CAMK1D: variants seen among roughly 807,000 people sequenced by gnomAD.
CAMK1D encodes calcium/calmodulin-dependent protein kinase type 1D.
A neutral mutation model predicts 47.7 loss-of-function variants in CAMK1D; 9 were observed. That is an observed-to-expected ratio of 0.19 (90% CI 0.11 to 0.33). The LOEUF is 0.33. Among genes scored for constraint, CAMK1D ranks in the 10% least tolerant of loss-of-function variants. The probability of loss-of-function intolerance (pLI) is 1.00; values close to 1 mark genes in which losing one functional copy is unlikely to be tolerated. For missense variants in CAMK1D, 291 were observed against 488.7 expected, an observed-to-expected ratio of 0.60 and a Z score of 3.81; for synonymous variants, 184 against 184.9, an observed-to-expected ratio of 0.99 and a Z score of 0.04.
intron 10 of CAMK1D, 55 bp downstream of exon 10, chr10:12,825,745 G>T (rs934560858): frequency 6.2e-7 from 1 of 1,612,164 alleles, no homozygotes; most frequent in Non-Finnish European, 8.5e-7. Context: ...CGAGCCTGGG[G>T]TGGAGAGGAG....
intron 6 of CAMK1D, among the ~76,000 whole-genome samples, chr10:12,791,761 T>C (rs1476233149): frequency 6.6e-6 from 1 of 152,234 alleles, no homozygotes; most frequent in Non-Finnish European, 1.5e-5. Context: ...ACCTTTTGAG[T>C]AATGCTGCTG....
chr10:12,712,140 A>G (rs1013945294), intron 3 of CAMK1D, among the ~76,000 whole-genome samples: 5 of 152,204 alleles, frequency 3.3e-5, no homozygotes, highest in Non-Finnish European at 7.3e-5. Context: ...GATGTGGAAG[A>G]TGCTTTTAAG....
At chr10:12,477,078 G>A (rs1833924127) in intron 1 of CAMK1D, among the ~76,000 whole-genome samples, 2 of 152,152 alleles carry the variant, frequency 1.3e-5, no homozygotes, top group African/African-American at 4.8e-5. Flanking sequence ...CATCGCCAAT[G>A]CCCGGGGCAT....
chr10:12,515,658 G>A (rs1344538398), intron 1 of CAMK1D, among the ~76,000 whole-genome samples: 1 of 144,330 alleles, frequency 6.9e-6, no homozygotes, highest in Non-Finnish European at 1.5e-5. Flanking sequence ...TTCTCAGGCC[G>A]GAGTGCAGTG....
At chr10:12,590,601 T>C (rs527646964) in intron 2 of CAMK1D, among the ~76,000 whole-genome samples, 1 of 152,216 alleles carries the variant, frequency 6.6e-6, no homozygotes, top group African/African-American at 2.4e-5. Flanking sequence ...TCCATAATTA[T>C]TGTTGAATGA....
chr10:12,776,906 C>T (rs915750604), intron 5 of CAMK1D, among the ~76,000 whole-genome samples: 1 of 152,198 alleles, frequency 6.6e-6, no homozygotes, highest in African/African-American at 2.4e-5. Context: ...AGCACCACCT[C>T]ATTCCGCCTG....
At chr10:12,387,394 A>ATC (rs1838543258) in intron 1 of CAMK1D, among the ~76,000 whole-genome samples, 1 of 45,136 alleles carries the variant, frequency 2.2e-5, no homozygotes, top group Non-Finnish European at 5.4e-5. Flanking sequence ...TATATATTAT[A>ATC]TATTTTTATA....
At chr10:12,478,288 G>A (rs1833962538) in intron 1 of CAMK1D, among the ~76,000 whole-genome samples, 2 of 151,156 alleles carry the variant, frequency 1.3e-5, no homozygotes, top group South Asian at 2.1e-4. Context: ...GATTACAGGC[G>A]TGAGCCACTG....
intron 3 of CAMK1D, among the ~76,000 whole-genome samples, chr10:12,679,886 G>A (rs1291002285): frequency 6.6e-6 from 1 of 152,072 alleles, no homozygotes; most frequent in Non-Finnish European, 1.5e-5. Flanking sequence ...GCTCCACCAG[G>A]GCTTTCCCTG....
chr10:12,585,139 A>G (rs1331200484), intron 2 of CAMK1D, among the ~76,000 whole-genome samples: 1 of 152,178 alleles, frequency 6.6e-6, no homozygotes, highest in African/African-American at 2.4e-5. Flanking sequence ...TCGCTGAGAA[A>G]TTCTTCACAG....
At chr10:12,742,245 T>C (rs1039899599) in intron 3 of CAMK1D, among the ~76,000 whole-genome samples, 1 of 152,156 alleles carries the variant, frequency 6.6e-6, no homozygotes, top group African/African-American at 2.4e-5. Flanking sequence ...AAACCATCCT[T>C]CCACCTCAGC....
chr10:12,757,139 A>AT lies in CAMK1D; in HGVS notation c.300-3800dup, dbSNP rs58809558. Among the ~76,000 whole-genome samples the AT allele has an allele frequency of 9.0e-4, 136 of 151,022 alleles. 2 individuals carry two copies. In the East Asian group the frequency reaches 0.015, roughly 17 times the overall value. On this transcript the variant is annotated intron_variant, in intron 3 of 10. Transcript: ENST00000619168. ...AGCTATTATGCCATTCATTCACTTT[A>AT]TTTTTTTTTGAGACAGGGTCTTGGT...
In CAMK1D at chr10:12,796,634, C is replaced by CG. The variant is rs201436465; in HGVS notation, c.641+5407dup. On this transcript the variant is annotated intron_variant, in intron 6 of 10. Transcript: ENST00000619168. ...AGCGTGGTCACCGAGCCCCAAGCCC[C>CG]GGGGGGTCGTGATGGCTGTTATTCC... is the stretch of plus-strand genomic sequence containing the variant. Among the ~76,000 whole-genome samples the CG allele has an allele frequency of 5.9e-3, 899 of 152,150 alleles. 4 individuals carry two copies. The highest frequency in any genetic ancestry group is 0.034 in the Middle Eastern group (10 of 292).
chr10:12,803,029 A>G (rs922718682), intron 6 of CAMK1D, among the ~76,000 whole-genome samples: 31 of 152,248 alleles, frequency 2.0e-4, no homozygotes, highest in African/African-American at 6.5e-4. Flanking sequence ...CAAAGAGACT[A>G]AAATTCTGTG....
chr10:12,557,844 C>T (rs368327697), intron 2 of CAMK1D, among the ~76,000 whole-genome samples: 1 of 152,172 alleles, frequency 6.6e-6, no homozygotes, highest in Non-Finnish European at 1.5e-5. Flanking sequence ...TGCCTGCCCC[C>T]CTTTATGCTG....
At chr10:12,698,885 A>G (rs1050802861) in intron 3 of CAMK1D, among the ~76,000 whole-genome samples, 1 of 151,822 alleles carries the variant, frequency 6.6e-6, no homozygotes, top group Non-Finnish European at 1.5e-5. Context: ...GTTGGCCAGG[A>G]TGGTCTCGAG....
In CAMK1D at chr10:12,460,998, A is replaced by G. The variant is rs74776432; in HGVS notation, c.93-92227A>G. Among the ~76,000 whole-genome samples the G allele has an allele frequency of 6.1e-3, 925 of 152,276 alleles. 15 individuals are homozygous for G. The highest frequency in any genetic ancestry group is 0.021 in the African/African-American group (870 of 41,542). ...TGTGATCTTTGCTTCCTGGTAGATA[A>G]AGGAAAAAAGTAGGTAGTGACTGCA... is the stretch of plus-strand genomic sequence containing the variant. On this transcript the variant is annotated intron_variant, in intron 1 of 10. Coordinates refer to ENST00000619168, the MANE Select transcript of CAMK1D (RefSeq NM_153498.4).
At chr10:12,654,973 A>G (rs540110248) in intron 2 of CAMK1D, among the ~76,000 whole-genome samples, 1 of 152,332 alleles carries the variant, frequency 6.6e-6, no homozygotes, top group East Asian at 1.9e-4. Context: ...ATAATCTCCA[A>G]AAATGTTCCA....
intron 1 of CAMK1D, among the ~76,000 whole-genome samples, chr10:12,517,995 CA>C (rs1423707063): frequency 1.3e-5 from 2 of 152,154 alleles, no homozygotes; most frequent in African/African-American, 4.8e-5. Context: ...TGGTGCAATT[CA>C]TCAGTGAAAT....
Sources: gnomAD v4.1 joint callset for allele counts (sites outside exome capture counted in the v4.1 genomes callset) on GRCh38, gnomAD v4.1.1 for gene constraint, MANE v1.5 for transcripts, NCBI Gene and HGNC (gene_info 2026-07-23, HGNC 2026-07-21) for gene names.